PKHD1L1: variants seen among roughly 807,000 people sequenced by gnomAD.
The protein encoded by PKHD1L1 is PKHD1 like 1.
Under a neutral mutation model 462.9 loss-of-function variants are expected in PKHD1L1, and 434 were observed. The observed-to-expected ratio is 0.94, with a 90% CI of 0.87 to 1.02. The LOEUF (loss-of-function observed/expected upper bound fraction) is 1.02. PKHD1L1 is among the 50% of genes least tolerant of loss of function. PKHD1L1 has a pLI of 0.00. For synonymous variants in PKHD1L1, 1,781 were observed against 1,750.0 expected (o/e 1.02, Z -0.44); for missense variants, 5,202 against 5,096.1 (o/e 1.02, Z -0.63).
Position 109,526,946 on chromosome 8 carries a change from T to A in PKHD1L1, c.12647T>A (p.Ile4216Asn), listed in dbSNP as rs141977750. 1,807 of 1,613,832 alleles carry A rather than the reference T, an allele frequency of 1.1e-3. 21 individuals are homozygous for A. The African/African-American group carries it at 0.019, about 17-fold the overall frequency. The stretch of plus-strand genomic sequence containing the variant: ...TATGCCCAGATAATGACTGTAGTAA[T>A]TAGCTGTCTGGTTGGAAGAATGTGG... ...GTYAQIMTVV[I>N]SCLVGRMWLL... The change falls in exon 77 of 78, where the codon ATT becomes AAT. Residue 4216 changes from isoleucine to asparagine, a missense_variant. Ile to Asn is a moderately radical substitution (Grantham distance 149). Transcript: ENST00000378402.
chr8:109,447,473 C>G (rs938542543), intron 38 of PKHD1L1, among the ~76,000 whole-genome samples: 5 of 152,086 alleles, frequency 3.3e-5, no homozygotes, highest in African/African-American at 9.7e-5. Context: ...TTTGAACAAC[C>G]TATGAAAAGT....
intron 29 of PKHD1L1, 101 bp downstream of exon 29, chr8:109,435,455 C>T (rs1815354889): frequency 3.1e-6 from 4 of 1,270,526 alleles, no homozygotes; most frequent in Non-Finnish European, 4.3e-6. Flanking sequence ...CCCAAAGCTT[C>T]CTCTTATAGA....
intron 51 of PKHD1L1, 149 bp downstream of exon 51, chr8:109,475,418 C>T (rs764537994): frequency 1.4e-4 from 98 of 722,034 alleles, no homozygotes; most frequent in Non-Finnish European, 2.0e-4. Context: ...GTGAGCCACT[C>T]TGAATCTAAG....
At chr8:109,524,810 C>CTCCT (rs10653445) in intron 76 of PKHD1L1, among the ~76,000 whole-genome samples, 60,563 of 142,978 alleles carry the variant, frequency 0.42, 13,529 homozygotes, top group South Asian at 0.55. Flanking sequence ...CCCTCCATCC[C>CTCCT]TCCTTCCTTC....
chr8:109,387,768 C>T (rs1393578262), intron 6 of PKHD1L1, among the ~76,000 whole-genome samples: 1 of 152,008 alleles, frequency 6.6e-6, no homozygotes, highest in Non-Finnish European at 1.5e-5. Flanking sequence ...AACAAAAGTC[C>T]TTATTTTTTA....
Position 109,532,771 on chromosome 8 carries a change from T to A in PKHD1L1, c.*2681T>A, listed in dbSNP as rs959024193. 1.3e-5 allele frequency among the ~76,000 whole-genome samples: 2 copies of A among 152,240 alleles called. No homozygotes were observed. The highest frequency in any genetic ancestry group is 4.8e-5 in the African/African-American group (2 of 41,464). On this transcript the variant is annotated 3_prime_UTR_variant, in exon 78 of 78. Coordinates refer to ENST00000378402, the MANE Select transcript of PKHD1L1 (RefSeq NM_177531.6). ...ATTCCTAAATTCCATCACCTTGTGATCATTGCAATGACTTCTAGATGGTCC... is the reference window on the plus strand; with the variant it reads ...ATTCCTAAATTCCATCACCTTGTGAACATTGCAATGACTTCTAGATGGTCC...
At chr8:109,380,775 A>G (rs1039940981) in intron 2 of PKHD1L1, among the ~76,000 whole-genome samples, 6 of 152,172 alleles carry the variant, frequency 3.9e-5, no homozygotes, top group Admixed American at 6.5e-5. Context: ...AAAATAGCTC[A>G]TTGCCCAAAT....
Position 109,420,536 on chromosome 8 carries a change from T to G in PKHD1L1, c.2543T>G (p.Leu848Arg). 1 of 1,594,398 alleles carries G rather than the reference T, an allele frequency of 6.3e-7. No homozygotes were observed. The highest frequency in any genetic ancestry group is 8.5e-7 in the Non-Finnish European group (1 of 1,172,708). ...STLDEMPKRR[L>R]PALANKGIFL... ...TCTTTAGAAATGCCCAAGAGAAGAC[T>G]TCCTGCATTAGCAAATAAAGGAATA... The change falls in exon 23 of 78, where the codon CTT becomes CGT. Residue 848 changes from leucine to arginine, a missense_variant. By Grantham distance (102) the Leu-to-Arg change is moderately radical. Coordinates refer to ENST00000378402, the MANE Select transcript of PKHD1L1 (RefSeq NM_177531.6).
chr8:109,498,581 A>T lies in PKHD1L1; in HGVS notation c.10711+8A>T. The T allele has an allele frequency of 6.2e-7, 1 of 1,611,072 alleles. No individual in the cohort carries two copies. The highest frequency in any genetic ancestry group is 1.3e-5 in the African/African-American group (1 of 74,974). ...GTCCTAGATCTCCATCAGGTGAAAA[A>T]TTTGAAACTTTAATGTTGTTGTTCA... On this transcript the variant is annotated splice_region_variant and intron_variant, in intron 66 of 77. Coordinates refer to ENST00000378402, the MANE Select transcript of PKHD1L1 (RefSeq NM_177531.6).
Position 109,424,102 on chromosome 8 carries a change from A to G in PKHD1L1, c.2698-983A>G, listed in dbSNP as rs538942932. Among the ~76,000 whole-genome samples, 11 of 152,158 alleles carry G rather than the reference A, an allele frequency of 7.2e-5. No homozygotes were observed. In the East Asian group the frequency reaches 1.9e-3, roughly 27 times the overall value. On this transcript the variant is annotated intron_variant, in intron 23 of 77. Coordinates refer to ENST00000378402, the MANE Select transcript of PKHD1L1 (RefSeq NM_177531.6). ...TTAGCTCCCCAAGTACCTTCCTTGA[A>G]CCGCTCTTCTTTCTTAAACTCACTC...
Position 109,498,585 on chromosome 8 carries a change from G to A in PKHD1L1, c.10711+12G>A, listed in dbSNP as rs1819241119. The A allele has an allele frequency of 6.2e-7, 1 of 1,610,860 alleles. No homozygotes were observed. Among genetic ancestry groups the A allele is most frequent in the Non-Finnish European group, 8.5e-7 (1 of 1,177,076 alleles). ...TAGATCTCCATCAGGTGAAAAATTT[G>A]AAACTTTAATGTTGTTGTTCATATG... On this transcript the variant is annotated intron_variant, in intron 66 of 77. Transcript: ENST00000378402.
chr8:109,410,667 C>T (rs1046509264), intron 19 of PKHD1L1, among the ~76,000 whole-genome samples: 8 of 151,094 alleles, frequency 5.3e-5, no homozygotes, highest in East Asian at 1.9e-4. Flanking sequence ...TTGGTGGGGA[C>T]GCAGATCCAA....
chr8:109,376,264 A>G lies in PKHD1L1; in HGVS notation c.164-5106A>G, dbSNP rs146559236. ...TTGATCTCAGACTGCTGTGCTAGCAATGAGCAAGGCTCAGTGGTGTAGGAC... is the reference window on the plus strand; with the variant it reads ...TTGATCTCAGACTGCTGTGCTAGCAGTGAGCAAGGCTCAGTGGTGTAGGAC... On this transcript the variant is annotated intron_variant, in intron 2 of 77. Transcript: ENST00000378402. Among the ~76,000 whole-genome samples, 1,220 of 152,144 alleles carry G rather than the reference A, an allele frequency of 8.0e-3. 11 individuals carry two copies. The highest frequency in any genetic ancestry group is 0.051 in the Middle Eastern group (15 of 294).
chr8:109,511,021 T>C, intron 71 of PKHD1L1, 87 bp downstream of exon 71: 1 of 1,417,050 alleles, frequency 7.1e-7, no homozygotes, highest in Non-Finnish European at 9.6e-7. Context: ...TCCCCTGTTC[T>C]AACATTGTCA....
chr8:109,408,919 A>G (rs1248525876), intron 18 of PKHD1L1, among the ~76,000 whole-genome samples: 1 of 152,166 alleles, frequency 6.6e-6, no homozygotes, highest in Non-Finnish European at 1.5e-5. Context: ...TATTCCAAAG[A>G]CAAGAGAAGG....
In PKHD1L1 at chr8:109,454,738, TC is replaced by T; in HGVS notation, c.6764del (p.Pro2255HisfsTer43). On this transcript the variant is annotated frameshift_variant, in exon 45 of 78. Transcript: ENST00000378402. LOFTEE classifies it high-confidence loss of function. Reference protein sequence around the residue: ...GGVLQIGTETSPFQHKAVITL... With the variant: ...GGVLQIGTETXPFQHKAVITL... ...TCTTTTGCAGATTGGAACAGAGACA[TC>T]CCCATTCCAACACAAGGCTGTCATT... 1 of 1,613,744 alleles carries T rather than the reference TC, an allele frequency of 6.2e-7. No homozygotes were observed. The highest frequency in any genetic ancestry group is 1.1e-5 in the South Asian group (1 of 91,062).
At chr8:109,461,634 T>A in intron 47 of PKHD1L1, 138 bp from the exon 48 acceptor site, 1 of 903,398 alleles carries the variant, frequency 1.1e-6, no homozygotes, top group Non-Finnish European at 1.6e-6. Context: ...GAGGAAATGA[T>A]GTGAATGCAA....
At position 109,445,308 on chromosome 8, in the gene PKHD1L1, T is replaced by C. The variant is rs1218947374; in HGVS notation, c.5439T>C (p.Ser1813=). 2.5e-6 allele frequency: 4 copies of C among 1,613,916 alleles called. No homozygotes were observed. Among genetic ancestry groups the C allele is most frequent in the Non-Finnish European group, 3.4e-6 (4 of 1,179,872 alleles). ...TCCCAGTTGGACATCATTCTGTTAG[T>C]GTTGTGGTGGGAAGTAAAGGCTTGG... ...TPLPVGHHSV[S]VVVGSKGLAL... The change falls in exon 38 of 78, where the codon AGT becomes AGC. Residue 1813 remains serine, a synonymous_variant. Coordinates refer to ENST00000378402, the MANE Select transcript of PKHD1L1 (RefSeq NM_177531.6).
intron 59 of PKHD1L1, among the ~76,000 whole-genome samples, chr8:109,487,669 T>G (rs1252015330): frequency 6.6e-6 from 1 of 151,874 alleles, no homozygotes; most frequent in African/African-American, 2.4e-5. Context: ...TGTCCCCCTG[T>G]ATTTCCTATG....
Sources: gnomAD v4.1 joint callset for allele counts (sites outside exome capture counted in the v4.1 genomes callset) on GRCh38, gnomAD v4.1.1 for gene constraint, MANE v1.5 for transcripts, NCBI Gene and HGNC (gene_info 2026-07-23, HGNC 2026-07-21) for gene names.